The following PCDHA13 variants were observed in gnomAD, a reference collection of about 807,000 sequenced individuals.
PCDHA13 encodes the protein protocadherin alpha 13, also known as protocadherin alpha-13.
A neutral mutation model predicts 64.8 loss-of-function variants in PCDHA13; 54 were observed. The ratio of observed to expected loss-of-function variants is 0.83; its 90% CI spans 0.67 to 1.04. PCDHA13 has a LOEUF of 1.04. PCDHA13 is among the 50% of genes least tolerant of loss of function. PCDHA13 has a pLI of 0.00. For synonymous variants in PCDHA13, 587 were observed against 564.4 expected (o/e 1.04, Z -0.57); for missense variants, 1,248 against 1,254.3 (o/e 0.99, Z 0.08).
At position 140,967,525 on chromosome 5, in the gene PCDHA13, C is replaced by T. The variant is rs368677084; in HGVS notation, c.2395-11424C>T. The stretch of plus-strand genomic sequence containing the variant: ...TGCGTGTCCTGGACACTAACGACAA[C>T]TCTCCTGCCTTTGACCAGTCCACTT... On this transcript the variant is annotated intron_variant, in intron 1 of 3. Coordinates refer to ENST00000289272, the MANE Select transcript of PCDHA13 (RefSeq NM_018904.3). 3.7e-5 allele frequency: 59 copies of T among 1,613,048 alleles called. No individual in the cohort carries two copies. The African/African-American group carries it at 7.3e-4, about 20-fold the overall frequency.
At position 140,883,268 on chromosome 5, in the gene PCDHA13, T is replaced by C. The variant is rs782069573; in HGVS notation, c.1000T>C (p.Cys334Arg). 3 of 1,613,912 alleles carry C rather than the reference T, an allele frequency of 1.9e-6. No homozygotes were observed. The African/African-American group carries it at 4.0e-5, about 22-fold the overall frequency. The change falls in exon 1 of 4, where the codon TGT (cysteine) becomes CGT (arginine). Residue 334 changes from cysteine to arginine, a missense_variant. Coordinates refer to ENST00000289272, the MANE Select transcript of PCDHA13 (RefSeq NM_018904.3). ...AGGAAATATTCCAATGGCGGGTCAT[T>C]GTACCCTTTTGGTGGAAGTACTAGA... ...DKGNIPMAGH[C>R]TLLVEVLDVN...
chr5:140,998,240 A>G (rs2097802500), intron 3 of PCDHA13, among the ~76,000 whole-genome samples: 1 of 152,188 alleles, frequency 6.6e-6, no homozygotes, highest in Non-Finnish European at 1.5e-5. Context: ...GTGCATTATT[A>G]TACTCATTTT....
chr5:140,898,392 T>G (rs1464159946), intron 1 of PCDHA13, among the ~76,000 whole-genome samples: 3 of 152,224 alleles, frequency 2.0e-5, no homozygotes, highest in African/African-American at 7.2e-5. Flanking sequence ...GGATCCAGTT[T>G]CAGCTTTCTA....
At chr5:140,973,273 C>A (rs1180418925) in intron 1 of PCDHA13, among the ~76,000 whole-genome samples, 1 of 152,150 alleles carries the variant, frequency 6.6e-6, no homozygotes, top group Non-Finnish European at 1.5e-5. Flanking sequence ...ACTTTTATTT[C>A]CCCCAGCACT....
intron 1 of PCDHA13, chr5:140,966,833 C>G: frequency 2.6e-6 from 4 of 1,563,480 alleles, no homozygotes; most frequent in Non-Finnish European, 3.5e-6. Flanking sequence ...CATGCCCTGG[C>G]TGCTGCTACT....
chr5:140,902,676 C>T (rs781793838), intron 1 of PCDHA13, among the ~76,000 whole-genome samples: 7 of 152,040 alleles, frequency 4.6e-5, no homozygotes, highest in Non-Finnish European at 7.4e-5. Context: ...CAGTGTACAC[C>T]GTACCTAATA....
intron 1 of PCDHA13, among the ~76,000 whole-genome samples, chr5:140,941,445 A>C (rs1472770794): frequency 8.0e-5 from 12 of 149,892 alleles, no homozygotes; most frequent in Middle Eastern, 6.8e-3. Context: ...CCTCGGGAGT[A>C]GCTGGGATTA....
intron 1 of PCDHA13, among the ~76,000 whole-genome samples, chr5:140,945,121 C>T (rs1412218992): frequency 6.6e-6 from 1 of 152,042 alleles, no homozygotes; most frequent in East Asian, 1.9e-4. Context: ...GATAAAAAAT[C>T]AACTTACAAA....
chr5:140,920,716 C>T (rs1456008356), intron 1 of PCDHA13, among the ~76,000 whole-genome samples: 3 of 151,916 alleles, frequency 2.0e-5, no homozygotes, highest in South Asian at 2.1e-4. Flanking sequence ...TGGTGGTGTG[C>T]GCCTGCAGTC....
chr5:140,978,868 G>C (rs2096826928), intron 1 of PCDHA13, 81 bp from the exon 2 acceptor site: 2 of 1,606,078 alleles, frequency 1.2e-6, no homozygotes, highest in Non-Finnish European at 1.7e-6. Context: ...ATATTTAAGG[G>C]AGTAACTAAT....
At chr5:140,951,247 A>G (rs185452142) in intron 1 of PCDHA13, among the ~76,000 whole-genome samples, 1 of 152,230 alleles carries the variant, frequency 6.6e-6, no homozygotes, top group Non-Finnish European at 1.5e-5. Context: ...TTAGGAATGC[A>G]TCACATTTTT....
At chr5:140,966,731 G>C (rs2096045524) in intron 1 of PCDHA13, 3 of 1,405,020 alleles carry the variant, frequency 2.1e-6, no homozygotes, top group Non-Finnish European at 2.8e-6. Flanking sequence ...TGCCGCCTCC[G>C]GCCCTGCCCG....
At chr5:141,002,757 A>G (rs1234528731) in intron 3 of PCDHA13, among the ~76,000 whole-genome samples, 1 of 152,224 alleles carries the variant, frequency 6.6e-6, no homozygotes, top group African/African-American at 2.4e-5. Context: ...CAACCCTGTG[A>G]TGTAGACAGG....
intron 1 of PCDHA13, chr5:140,927,118 G>T (rs2083863389): frequency 6.2e-7 from 1 of 1,613,946 alleles, no homozygotes; most frequent in East Asian, 2.2e-5. Context: ...CGGCAATTTG[G>T]TGGTCAGAGA....
At chr5:141,005,610 G>C (rs1184044588) in intron 3 of PCDHA13, among the ~76,000 whole-genome samples, 1 of 147,582 alleles carries the variant, frequency 6.8e-6, no homozygotes, top group Non-Finnish European at 1.5e-5. Context: ...GCTGAGGCAG[G>C]AGAATGGCGT....
At chr5:141,004,637 A>G (rs149340406) in intron 3 of PCDHA13, among the ~76,000 whole-genome samples, 1,579 of 152,220 alleles carry the variant, frequency 0.01, 12 homozygotes, top group Middle Eastern at 0.058. Flanking sequence ...TTGAAGAAAA[A>G]TTTCCATTTT....
chr5:140,978,246 C>T (rs1243560833), intron 1 of PCDHA13, among the ~76,000 whole-genome samples: 1 of 152,148 alleles, frequency 6.6e-6, no homozygotes, highest in Non-Finnish European at 1.5e-5. Flanking sequence ...TCAGCTACTC[C>T]CTGTTAAACA....
chr5:140,887,972 A>C (rs1169769147), intron 1 of PCDHA13, among the ~76,000 whole-genome samples: 1 of 152,114 alleles, frequency 6.6e-6, no homozygotes, highest in Non-Finnish European at 1.5e-5. Context: ...TCTCTTTTAA[A>C]ATTTATTTTA....
At chr5:140,999,837 A>G (rs2097878885) in intron 3 of PCDHA13, among the ~76,000 whole-genome samples, 2 of 152,206 alleles carry the variant, frequency 1.3e-5, no homozygotes, top group South Asian at 2.1e-4. Flanking sequence ...AAATATGCCA[A>G]GTGTATTTAT....
Sources: allele counts gnomAD v4.1 joint callset (sites outside exome capture counted in the v4.1 genomes callset), GRCh38; gene constraint gnomAD v4.1.1; transcripts MANE v1.5; gene names NCBI Gene and HGNC (gene_info 2026-07-23, HGNC 2026-07-21).